Variants in QRSL1 observed in about 807,000 individuals in gnomAD.
QRSL1 encodes glutamyl-tRNA(Gln) amidotransferase subunit A, mitochondrial.
A neutral mutation model predicts 61.6 loss-of-function variants in QRSL1; 54 were observed. The ratio of observed to expected loss-of-function variants is 0.88; its 90% CI spans 0.70 to 1.10. QRSL1 has a LOEUF of 1.10. QRSL1 is among the 50% of genes least tolerant of loss of function. The pLI, the probability that QRSL1 is intolerant of heterozygous loss-of-function variation, is 0.00. For missense variants in QRSL1, 505 were observed against 622.6 expected, an observed-to-expected ratio of 0.81 and a Z score of 2.01; for synonymous variants, 228 against 225.7, an observed-to-expected ratio of 1.01 and a Z score of -0.09.
intron 1 of QRSL1, among the ~76,000 whole-genome samples, chr6:106,639,312 GAC>G (rs1026377950): frequency 3.3e-5 from 5 of 151,934 alleles, no homozygotes; most frequent in African/African-American, 1.2e-4. Context: ...TTTTAGTAGA[GAC>G]AGAGTTTCAC....
In QRSL1 at chr6:106,643,648, C is replaced by T. The variant is rs576434051; in HGVS notation, c.380+558C>T. On this transcript the variant is annotated intron_variant, in intron 4 of 10. Coordinates refer to ENST00000369046, the MANE Select transcript of QRSL1 (RefSeq NM_018292.5). ...TGAGCCGAGATCGCGCCATTGCACTCCAGCCTGGGCTACAAGAGTGCAACT... is the reference window on the plus strand; with the variant it reads ...TGAGCCGAGATCGCGCCATTGCACTTCAGCCTGGGCTACAAGAGTGCAACT... Among the ~76,000 whole-genome samples, 12 of 151,308 alleles carry T rather than the reference C, an allele frequency of 7.9e-5. No individual in the cohort carries two copies. In the South Asian group the frequency reaches 2.3e-3, roughly 29 times the overall value.
Sources: gnomAD v4.1 joint callset for allele counts (sites outside exome capture counted in the v4.1 genomes callset) on GRCh38, gnomAD v4.1.1 for gene constraint, MANE v1.5 for transcripts, NCBI Gene and HGNC (gene_info 2026-07-23, HGNC 2026-07-21) for gene names.